PPP1R13B: variants seen among roughly 807,000 people sequenced by gnomAD.
The protein encoded by PPP1R13B is apoptosis-stimulating of p53 protein 1.
In PPP1R13B, 44 loss-of-function variants were observed where a neutral mutation model predicts 119.8. That is an observed-to-expected ratio of 0.37 (90% CI 0.29 to 0.47). The LOEUF is 0.47. Ranked by LOEUF, PPP1R13B falls within the 20% of genes least tolerant of loss-of-function variation. PPP1R13B has a pLI of 0.99. For synonymous variants in PPP1R13B, 542 were observed against 561.5 expected (o/e 0.97, Z 0.49); for missense variants, 1,227 against 1,413.5 (o/e 0.87, Z 2.12).
Position 103,742,063 on chromosome 14 carries a change from G to T in PPP1R13B, c.1549C>A (p.Gln517Lys), listed in dbSNP as rs1241663373. 1.9e-6 allele frequency: 3 copies of T among 1,614,172 alleles called. No homozygotes were observed. The highest frequency in any genetic ancestry group is 1.7e-5 in the Admixed American group (1 of 60,024). The part of the protein sequence containing the change: ...GSTPQPGSSQ[Q>K]IQQRISVPPS... ...GGTACGGAAATCCTCTGCTGAATCTGTTGTGAGGAGCCTGGCTGGGGGGTG... is the reference window on the plus strand; with the variant it reads ...GGTACGGAAATCCTCTGCTGAATCTTTTGTGAGGAGCCTGGCTGGGGGGTG... Residue 517 changes from glutamine to lysine, a missense_variant, in exon 11 of 17, where the codon CAG (glutamine) becomes AAG (lysine). Physicochemically the swap from Gln to Lys is moderately conservative, Grantham distance 53. Transcript: ENST00000202556. This position sits in a 1 kb window ranked among gnomAD's most constrained non-coding sequence, Gnocchi z 4.9.
chr14:103,766,137 T>C (rs181993189), intron 4 of PPP1R13B, among the ~76,000 whole-genome samples: 3 of 152,076 alleles, frequency 2.0e-5, no homozygotes, highest in Admixed American at 2.0e-4. Context: ...GCCTCCCGAA[T>C]AGCTGGGACC....
At chr14:103,814,437 C>T (rs1344842720) in intron 1 of PPP1R13B, among the ~76,000 whole-genome samples, 2 of 152,172 alleles carry the variant, frequency 1.3e-5, no homozygotes, top group African/African-American at 2.4e-5. Context: ...TTAACCCTGG[C>T]CTGTGTGACT....
At chr14:103,791,885 T>C (rs1177019451) in intron 2 of PPP1R13B, among the ~76,000 whole-genome samples, 1 of 152,212 alleles carries the variant, frequency 6.6e-6, no homozygotes, top group African/African-American at 2.4e-5. Flanking sequence ...AGCTAAATCA[T>C]GTTTCTCAGT....
At chr14:103,760,389 A>C (rs937176015) in intron 4 of PPP1R13B, among the ~76,000 whole-genome samples, 6 of 152,212 alleles carry the variant, frequency 3.9e-5, no homozygotes, top group African/African-American at 1.4e-4. Flanking sequence ...AATAAGAAGA[A>C]GTCAAACCCT....
rs531536848 is a variant in PPP1R13B at position 103,819,657 on chromosome 14, G to A, written c.10-22139C>T. Among the ~76,000 whole-genome samples, 7 of 152,202 alleles carry A rather than the reference G, an allele frequency of 4.6e-5. No individual in the cohort carries two copies. The East Asian group carries it at 1.4e-3, about 29-fold the overall frequency. ...TGTAAAGTTAGCTCTGACAAGATTT[G>A]CTGATGGAGTGGATGTGGACTGTGA... On this transcript the variant is annotated intron_variant, in intron 1 of 16. Transcript: ENST00000202556.
intron 8 of PPP1R13B, among the ~76,000 whole-genome samples, chr14:103,747,555 G>C (rs1486962592): frequency 2.0e-5 from 3 of 152,060 alleles, no homozygotes; most frequent in Non-Finnish European, 2.9e-5. Context: ...TTGGGAAACA[G>C]GTGGTGTTTG....
chr14:103,820,627 T>C (rs1467489185), intron 1 of PPP1R13B, among the ~76,000 whole-genome samples: 2 of 150,666 alleles, frequency 1.3e-5, no homozygotes, highest in African/African-American at 4.9e-5. Flanking sequence ...TAGCTGGGAC[T>C]GGCACACATA....
chr14:103,824,680 G>T (rs77537576), intron 1 of PPP1R13B, among the ~76,000 whole-genome samples: 90 of 150,822 alleles, frequency 6.0e-4, no homozygotes, highest in African/African-American at 2.1e-3. Flanking sequence ...GGGCGACAGA[G>T]CGAGACTCCG....
intron 1 of PPP1R13B, among the ~76,000 whole-genome samples, chr14:103,804,708 T>C (rs1284859578): frequency 6.6e-6 from 1 of 151,806 alleles, no homozygotes; most frequent in African/African-American, 2.4e-5. Context: ...TACTACAGCC[T>C]GGGTGATAGA....
At chr14:103,753,235 T>C (rs1252589535) in intron 6 of PPP1R13B, 39 bp from the exon 7 acceptor site, 5 of 1,518,334 alleles carry the variant, frequency 3.3e-6, no homozygotes, top group East Asian at 2.3e-5. Flanking sequence ...AAAGATTTAG[T>C]TGATCCTTTT....
chr14:103,832,508 C>A (rs942377560), intron 1 of PPP1R13B, among the ~76,000 whole-genome samples: 2 of 152,214 alleles, frequency 1.3e-5, no homozygotes, highest in African/African-American at 4.8e-5. Flanking sequence ...AAGAAGTCTA[C>A]AAACTGAATT....
intron 9 of PPP1R13B, among the ~76,000 whole-genome samples, chr14:103,745,339 A>C (rs2084359952): frequency 6.6e-6 from 1 of 152,242 alleles, no homozygotes; most frequent in African/African-American, 2.4e-5. Flanking sequence ...AATCCCGAAA[A>C]AGGGGCTCGA....
At chr14:103,847,602 CA>C (rs2087090728), upstream of PPP1R13B, 1 of 986,556 alleles carries the variant, frequency 1.0e-6, no homozygotes, top group South Asian at 4.5e-5. Flanking sequence ...GCTCGCTCTT[CA>C]GCCCCCGCAG....
chr14:103,795,812 G>A (rs1334771968), intron 2 of PPP1R13B, among the ~76,000 whole-genome samples: 1 of 152,168 alleles, frequency 6.6e-6, no homozygotes, highest in Non-Finnish European at 1.5e-5. Flanking sequence ...TTTAGTAATA[G>A]TCCAATGTTT....
rs559384530 is a variant in PPP1R13B, at chr14:103,811,383, C to T, written c.10-13865G>A. Among the ~76,000 whole-genome samples the T allele has an allele frequency of 2.1e-4, 32 of 152,258 alleles. No homozygotes were observed. The South Asian group carries it at 6.4e-3, about 31-fold the overall frequency. On this transcript the variant is annotated intron_variant, in intron 1 of 16. Coordinates refer to ENST00000202556, the MANE Select transcript of PPP1R13B (RefSeq NM_015316.3). ...AGTACATATTTGATAAAGGACTTGG[C>T]CAGGTGTGGTGGTTCACACCTATAA... is the stretch of plus-strand genomic sequence containing the variant.
At chr14:103,739,083 C>G in intron 12 of PPP1R13B, 60 bp from the exon 13 acceptor site, 1 of 1,561,644 alleles carries the variant, frequency 6.4e-7, no homozygotes, top group South Asian at 1.2e-5. Flanking sequence ...TAAGAACCCA[C>G]GCCTGCTGGG....
At chr14:103,783,091 C>T (rs2085374668) in intron 3 of PPP1R13B, among the ~76,000 whole-genome samples, 1 of 151,900 alleles carries the variant, frequency 6.6e-6, no homozygotes, top group African/African-American at 2.4e-5. Context: ...TAGGTGGGAA[C>T]CAGCACGCCT....
chr14:103,811,459 G>A (rs1460395219), intron 1 of PPP1R13B, among the ~76,000 whole-genome samples: 1 of 151,862 alleles, frequency 6.6e-6, no homozygotes. Flanking sequence ...AGGCTAAGAT[G>A]GGTGGATCAC....
chr14:103,841,112 CCT>C (rs2086896711), intron 1 of PPP1R13B, among the ~76,000 whole-genome samples: 1 of 151,980 alleles, frequency 6.6e-6, no homozygotes, highest in South Asian at 2.1e-4. Context: ...ATGGAGAAAC[CCT>C]GTCTCTACTA....
Sources: gnomAD v4.1 joint callset for allele counts (sites outside exome capture counted in the v4.1 genomes callset) on GRCh38, gnomAD v4.1.1 for gene constraint, Gnocchi (gnomAD v3.1) non-coding constraint, MANE v1.5 for transcripts, NCBI Gene and HGNC (gene_info 2026-07-23, HGNC 2026-07-21) for gene names.